PCDHA1: variants seen among roughly 807,000 people sequenced by gnomAD.
PCDHA1 encodes protocadherin alpha 1.
A neutral mutation model predicts 61.3 loss-of-function variants in PCDHA1; 42 were observed. The observed-to-expected ratio is 0.69, with a 90% CI of 0.54 to 0.89. The LOEUF is 0.89. PCDHA1 is among the 40% of genes least tolerant of loss of function. The pLI is 0.00. For synonymous variants in PCDHA1, 610 were observed against 553.8 expected (o/e 1.10, Z -1.43); for missense variants, 1,256 against 1,235.3 (o/e 1.02, Z -0.25).
Position 140,787,447 on chromosome 5 carries a change from C to T in PCDHA1, c.1157C>T (p.Thr386Ile), listed in dbSNP as rs781902754. The T allele has an allele frequency of 6.2e-7, 1 of 1,614,264 alleles. No homozygotes were observed. The highest frequency in any genetic ancestry group is 2.2e-5 in the East Asian group (1 of 44,880). ...DRDSGANGQV[T>I]CSLMPHVPFK... is the part of the protein sequence containing the mutation. ...GACTCAGGTGCCAACGGGCAGGTGA[C>T]TTGCTCCTTAATGCCCCACGTCCCC... is the stretch of plus-strand genomic sequence containing the variant. Residue 386 changes from threonine (T) to isoleucine (I), a missense_variant, in exon 1 of 4, where the codon ACT (threonine) becomes ATT (isoleucine). By Grantham distance (89) the Thr-to-Ile change is moderately conservative. Coordinates refer to ENST00000504120, the MANE Select transcript of PCDHA1 (RefSeq NM_018900.4).
chr5:140,796,061 G>C (rs1554119671), intron 1 of PCDHA1: 1 of 1,614,180 alleles, frequency 6.2e-7, no homozygotes, highest in Admixed American at 1.7e-5. Context: ...GCTTCCCTGG[G>C]CACTGTCATT....
At chr5:140,988,556 C>G (rs574182013) in intron 3 of PCDHA1, among the ~76,000 whole-genome samples, 2 of 152,158 alleles carry the variant, frequency 1.3e-5, no homozygotes, top group Non-Finnish European at 2.9e-5. Flanking sequence ...TCTTCATCTT[C>G]TTCTTGGGAA....
At chr5:140,938,805 A>G (rs367644327) in intron 1 of PCDHA1, among the ~76,000 whole-genome samples, 3 of 152,162 alleles carry the variant, frequency 2.0e-5, no homozygotes, top group East Asian at 3.9e-4. Context: ...TCGGTACCAC[A>G]AACCCCTGTG....
At chr5:140,951,751 C>T (rs1206749897) in intron 1 of PCDHA1, among the ~76,000 whole-genome samples, 2 of 152,112 alleles carry the variant, frequency 1.3e-5, no homozygotes, top group Non-Finnish European at 2.9e-5. Flanking sequence ...CCTCACCCTC[C>T]GCGAAATCTC....
At chr5:140,856,473 C>T (rs1471191080) in intron 1 of PCDHA1, 2 of 1,598,372 alleles carry the variant, frequency 1.3e-6, no homozygotes. Flanking sequence ...CTCTCAATAC[C>T]TGAATCCAGA....
In PCDHA1 at chr5:140,795,165, G is replaced by A. The variant is rs782585524; in HGVS notation, c.2394+6481G>A. On this transcript the variant is annotated intron_variant, in intron 1 of 3. Coordinates refer to ENST00000504120, the MANE Select transcript of PCDHA1 (RefSeq NM_018900.4). ...TGGTGCCGCGCCTGTTCCGGGTGGC[G>A]TCCAAAAGACACGGGGACCTTCTGG... 2.5e-6 allele frequency: 4 copies of A among 1,614,056 alleles called. No individual in the cohort carries two copies. In the East Asian group the frequency reaches 8.9e-5, roughly 36 times the overall value.
In PCDHA1 at chr5:140,823,396, G is replaced by T. The variant is rs17844295; in HGVS notation, c.2394+34712G>T. Reference sequence around the variant, plus strand: ...CCAGGTGAGCGCGCGCGACGCGGGCGTGCCGCCTCTGGGCAGCAACGTGAC... The same window carrying T: ...CCAGGTGAGCGCGCGCGACGCGGGCTTGCCGCCTCTGGGCAGCAACGTGAC... On this transcript the variant is annotated intron_variant, in intron 1 of 3. Transcript: ENST00000504120. 31 of 1,612,796 alleles carry T rather than the reference G, an allele frequency of 1.9e-5. No homozygotes were observed. The East Asian group carries it at 6.5e-4, about 34-fold the overall frequency.
intron 1 of PCDHA1, chr5:140,795,689 T>C: frequency 6.2e-7 from 1 of 1,614,156 alleles, no homozygotes; most frequent in Non-Finnish European, 8.5e-7. Flanking sequence ...GAACCAACTT[T>C]TGCCCAATCA....
chr5:140,895,023 T>C (rs781895966), intron 1 of PCDHA1, among the ~76,000 whole-genome samples: 2 of 152,204 alleles, frequency 1.3e-5, no homozygotes, highest in Non-Finnish European at 2.9e-5. Flanking sequence ...TTTCCTTTGT[T>C]TAATTGTCCC....
intron 1 of PCDHA1, among the ~76,000 whole-genome samples, chr5:140,975,438 A>T (rs1436743661): frequency 5.9e-5 from 9 of 152,234 alleles, no homozygotes; most frequent in African/African-American, 1.7e-4. Flanking sequence ...ACACCAGGAT[A>T]TAGGGATCTT....
chr5:140,863,334 G>T (rs782071935), intron 1 of PCDHA1: 24 of 1,387,574 alleles, frequency 1.7e-5, no homozygotes, highest in South Asian at 5.7e-5. Flanking sequence ...TAGTGCTCAC[G>T]TTGCTGCTGT....
intron 1 of PCDHA1, chr5:140,809,605 G>C (rs1414368210): frequency 5.2e-6 from 8 of 1,524,772 alleles, no homozygotes; most frequent in Non-Finnish European, 7.0e-6. Flanking sequence ...TTTAATTTTC[G>C]TATTGTTTTT....
intron 1 of PCDHA1, chr5:140,870,584 T>A (rs782563992): frequency 1.1e-5 from 18 of 1,613,672 alleles, no homozygotes; most frequent in Non-Finnish European, 1.3e-5. Flanking sequence ...TACTCGCTGG[T>A]GGAGCGGCGG....
At chr5:141,004,508 G>A (rs1554259596) in intron 3 of PCDHA1, among the ~76,000 whole-genome samples, 1 of 152,200 alleles carries the variant, frequency 6.6e-6, no homozygotes. Flanking sequence ...GCTGTGAGGG[G>A]CTCCCTCTGC....
At chr5:140,898,957 G>A (rs1165991766) in intron 1 of PCDHA1, among the ~76,000 whole-genome samples, 13 of 152,052 alleles carry the variant, frequency 8.5e-5, no homozygotes, top group Admixed American at 8.5e-4. Flanking sequence ...AAGCAGTTGT[G>A]AATGGGAGTT....
chr5:140,985,401 C>T (rs2097150530), intron 3 of PCDHA1, among the ~76,000 whole-genome samples: 1 of 152,108 alleles, frequency 6.6e-6, no homozygotes, highest in Non-Finnish European at 1.5e-5. Flanking sequence ...CCAACTGTTC[C>T]CCTGGAAATG....
At chr5:140,990,227 A>G (rs1424384055) in intron 3 of PCDHA1, among the ~76,000 whole-genome samples, 1 of 152,134 alleles carries the variant, frequency 6.6e-6, no homozygotes, top group Non-Finnish European at 1.5e-5. Flanking sequence ...GTTTATTGTA[A>G]CTAGCGTTGT....
chr5:140,969,880 A>G (rs1365035569), intron 1 of PCDHA1, among the ~76,000 whole-genome samples: 2 of 152,238 alleles, frequency 1.3e-5, no homozygotes, highest in Non-Finnish European at 2.9e-5. Flanking sequence ...CCTATGTGAT[A>G]GGATCCTCTG....
chr5:140,828,280 G>T, intron 1 of PCDHA1: 2 of 1,614,102 alleles, frequency 1.2e-6, no homozygotes, highest in Non-Finnish European at 1.7e-6. Context: ...TGCCGCGCCT[G>T]TTCAGGATGG....
Sources: gnomAD v4.1 joint callset for allele counts (sites outside exome capture counted in the v4.1 genomes callset) on GRCh38, gnomAD v4.1.1 for gene constraint, MANE v1.5 for transcripts, NCBI Gene and HGNC (gene_info 2026-07-23, HGNC 2026-07-21) for gene names.